Variants in AGPAT4 observed in about 807,000 individuals in gnomAD.
AGPAT4 encodes 1-acylglycerol-3-phosphate O-acyltransferase 4.
In AGPAT4, 15 loss-of-function variants were observed where a neutral mutation model predicts 48.0. The ratio of observed to expected loss-of-function variants is 0.31; its 90% confidence interval spans 0.21 to 0.48. AGPAT4 has a LOEUF of 0.48. AGPAT4 is among the 20% of genes least tolerant of loss of function. AGPAT4 has a pLI of 0.99. For synonymous variants in AGPAT4, 178 were observed against 198.7 expected, an observed-to-expected ratio of 0.90 and a Z score of 0.88; for missense variants, 314 against 482.5, an observed-to-expected ratio of 0.65 and a Z score of 3.27.
intron 1 of AGPAT4, among the ~76,000 whole-genome samples, chr6:161,237,710 A>T (rs1782330571): frequency 6.6e-6 from 1 of 152,206 alleles, no homozygotes; most frequent in Admixed American, 6.5e-5. Flanking sequence ...ATGTTGGCAG[A>T]AGGATTATGG....
At position 161,159,678 on chromosome 6, in the gene AGPAT4, T is replaced by C. The variant is rs138636275; in HGVS notation, c.349-5368A>G. 6.6e-3 allele frequency among the ~76,000 whole-genome samples: 1,010 copies of C among 152,266 alleles called. 6 individuals are homozygous for C. Among genetic ancestry groups the C allele is most frequent in the African/African-American group, 0.023 (967 of 41,558 alleles). On this transcript the variant is annotated intron_variant, in intron 3 of 8. Transcript: ENST00000320285. This position sits in a 1 kb window ranked among gnomAD's most constrained non-coding sequence, Gnocchi z 4.1. ...TTTTTTTTGAGACGAAGTTTCACTCTTGTTGCCCAGGCTGGAGTGCAGTGG... is the reference window on the plus strand; with the variant it reads ...TTTTTTTTGAGACGAAGTTTCACTCCTGTTGCCCAGGCTGGAGTGCAGTGG...
rs1780714231 is a variant in AGPAT4 at position 161,184,590 on chromosome 6, C to A, written c.179-18173G>T. On this transcript the variant is annotated intron_variant, in intron 2 of 8. Coordinates refer to ENST00000320285, the MANE Select transcript of AGPAT4 (RefSeq NM_020133.3). The surrounding 1 kb of genome is among the most constrained non-coding windows in gnomAD (Gnocchi z 4.8). ...CGGACCCCCCATTCCCACCTGTCAT[C>A]CTCTGGCCTCTCTGTCCCTGCTTCC... 6.6e-6 allele frequency among the ~76,000 whole-genome samples: 1 copy of A among 152,094 alleles called. No homozygotes were observed. The highest frequency in any genetic ancestry group is 1.5e-5 in the Non-Finnish European group (1 of 68,004).
Position 161,149,365 on chromosome 6 carries a change from A to T in AGPAT4, c.665-76T>A. The T allele has an allele frequency of 7.6e-7, 1 of 1,308,864 alleles. No homozygotes were observed. Among genetic ancestry groups the T allele is most frequent in the East Asian group, 2.5e-5 (1 of 40,252 alleles). 81.1% of individuals were successfully genotyped at this position (1,308,864 alleles called of 1,614,324 possible). A position where few individuals can be genotyped will look rare whatever the true frequency, so the allele number is the denominator to read the frequency against. On this transcript the variant is annotated intron_variant, in intron 5 of 8. Transcript: ENST00000320285. The surrounding 1 kb of genome is among the most constrained non-coding windows in gnomAD (Gnocchi z 6.5). ...TTTGTTCTGTAGATACACACATTGG[A>T]AGACAATAATCAAATGGCTAACTGC...
chr6:161,273,875 G>C (rs1783516153), intron 1 of AGPAT4, 63 bp downstream of exon 1: 1 of 150,616 alleles, frequency 6.6e-6, no homozygotes, highest in Non-Finnish European at 1.5e-5. Flanking sequence ...CTGGGAAGAG[G>C]AATGCAAACA....
At chr6:161,210,559 A>T (rs961890787) in intron 2 of AGPAT4, among the ~76,000 whole-genome samples, 1 of 152,196 alleles carries the variant, frequency 6.6e-6, no homozygotes, top group African/African-American at 2.4e-5. Flanking sequence ...AAGCACTTGA[A>T]TCAAATACTT....
intron 1 of AGPAT4, among the ~76,000 whole-genome samples, chr6:161,237,826 G>A (rs1035884783): frequency 1.3e-5 from 2 of 152,036 alleles, no homozygotes; most frequent in Non-Finnish European, 2.9e-5. Flanking sequence ...CCCAGCCCCC[G>A]TGAAGGTTAG....
rs1191577185 is a variant in AGPAT4 at position 161,267,869 on chromosome 6, A to G, written c.-90+6069T>C. ...AACAAAGTGAGACTGGCCTCTTAAA[A>G]GAAAGACCAGTCTCACTTTTAACAT... On this transcript the variant is annotated intron_variant, in intron 1 of 8. Coordinates refer to ENST00000320285, the MANE Select transcript of AGPAT4 (RefSeq NM_020133.3). The surrounding 1 kb of genome is among the most constrained non-coding windows in gnomAD (Gnocchi z 5.2). Among the ~76,000 whole-genome samples, 1 of 152,230 alleles carries G rather than the reference A, an allele frequency of 6.6e-6. No individual in the cohort carries two copies. Among genetic ancestry groups the G allele is most frequent in the East Asian group, 1.9e-4 (1 of 5,198 alleles).
intron 1 of AGPAT4, among the ~76,000 whole-genome samples, chr6:161,256,562 G>C (rs956816625): frequency 1.4e-4 from 22 of 152,240 alleles, no homozygotes; most frequent in African/African-American, 5.1e-4. Context: ...TGACAGACAT[G>C]ACACTCGTGC....
rs942952404 is a variant in AGPAT4 at position 161,255,587 on chromosome 6, C to A, written c.-90+18351G>T. On this transcript the variant is annotated intron_variant, in intron 1 of 8. Transcript: ENST00000320285. The surrounding 1 kb of genome is among the most constrained non-coding windows in gnomAD (Gnocchi z 4.7). ...GATACATGCTACAACATGAATGAAC[C>A]TCAAAAACATGTTATATGAAAGAAA... Among the ~76,000 whole-genome samples the A allele has an allele frequency of 1.5e-4, 23 of 152,228 alleles. No homozygotes were observed. Among genetic ancestry groups the A allele is most frequent in the African/African-American group, 4.8e-4 (20 of 41,546 alleles).
intron 2 of AGPAT4, among the ~76,000 whole-genome samples, chr6:161,227,181 A>G (rs1328959193): frequency 6.6e-6 from 1 of 152,194 alleles, no homozygotes; most frequent in African/African-American, 2.4e-5. Flanking sequence ...AGCAGGTCGT[A>G]TACCTTTCAG....
chr6:161,243,826 A>C lies in AGPAT4; in HGVS notation c.-89-11524T>G, dbSNP rs1242320408. On this transcript the variant is annotated intron_variant, in intron 1 of 8. Transcript: ENST00000320285. This position sits in a 1 kb window ranked among gnomAD's most constrained non-coding sequence, Gnocchi z 4.8. ...TTTCAATAAGATTTTCCTCAGGTGGACATTTTTAGCCTGACAACCACTCAT... is the reference window on the plus strand; with the variant it reads ...TTTCAATAAGATTTTCCTCAGGTGGCCATTTTTAGCCTGACAACCACTCAT... 6.6e-6 allele frequency among the ~76,000 whole-genome samples: 1 copy of C among 152,176 alleles called. No individual in the cohort carries two copies. Among genetic ancestry groups the C allele is most frequent in the African/African-American group, 2.4e-5 (1 of 41,446 alleles).
rs1779469559 is a variant in AGPAT4, at chr6:161,147,619, C to G, written c.768-1020G>C. On this transcript the variant is annotated intron_variant, in intron 6 of 8. Coordinates refer to ENST00000320285, the MANE Select transcript of AGPAT4 (RefSeq NM_020133.3). This position sits in a 1 kb window ranked among gnomAD's most constrained non-coding sequence, Gnocchi z 4.8. ...CAGTATTGTACAGAGGTAAGTTTTTCACATAATTAGAACTTACCCCATAAG... is the reference window on the plus strand; with the variant it reads ...CAGTATTGTACAGAGGTAAGTTTTTGACATAATTAGAACTTACCCCATAAG... Among the ~76,000 whole-genome samples the G allele has an allele frequency of 6.6e-6, 1 of 152,192 alleles. No homozygotes were observed.
Position 161,148,793 on chromosome 6 carries a change from A to G in AGPAT4, c.767+394T>C, listed in dbSNP as rs1177383851. 6.6e-6 allele frequency among the ~76,000 whole-genome samples: 1 copy of G among 152,224 alleles called. No individual in the cohort carries two copies. Among genetic ancestry groups the G allele is most frequent in the Non-Finnish European group, 1.5e-5 (1 of 68,048 alleles). ...GCCTGGAACATAACACATAAGTGAG[A>G]CACTGCAAGAGTTCTGCATTTGTGT... On this transcript the variant is annotated intron_variant, in intron 6 of 8. Coordinates refer to ENST00000320285, the MANE Select transcript of AGPAT4 (RefSeq NM_020133.3). This position sits in a 1 kb window ranked among gnomAD's most constrained non-coding sequence, Gnocchi z 5.5.
intron 1 of AGPAT4, among the ~76,000 whole-genome samples, chr6:161,265,363 A>G (rs929303855): frequency 7.2e-6 from 1 of 139,022 alleles, no homozygotes; most frequent in African/African-American, 2.8e-5. Context: ...CCACCGCTGG[A>G]CTGGGTGCTG....
Position 161,270,809 on chromosome 6 carries a change from T to C in AGPAT4, c.-90+3129A>G, listed in dbSNP as rs532098395. 6.6e-6 allele frequency among the ~76,000 whole-genome samples: 1 copy of C among 152,066 alleles called. No homozygotes were observed. The highest frequency in any genetic ancestry group is 2.1e-4 in the South Asian group (1 of 4,812). The stretch of plus-strand genomic sequence containing the variant: ...AAAAAAAATAAATGTGAATGCGGCT[T>C]TGTCCCATAACCATCAGACCTCCTT... On this transcript the variant is annotated intron_variant, in intron 1 of 8. Transcript: ENST00000320285. The surrounding 1 kb of genome is among the most constrained non-coding windows in gnomAD (Gnocchi z 5.3).
At chr6:161,213,577 G>A (rs1298683125) in intron 2 of AGPAT4, among the ~76,000 whole-genome samples, 1 of 151,922 alleles carries the variant, frequency 6.6e-6, no homozygotes, top group Non-Finnish European at 1.5e-5. Flanking sequence ...CTGTGCTTTT[G>A]TAAAGCCCTG....
Position 161,140,630 on chromosome 6 carries a change from G to A in AGPAT4, c.844-1010C>T, listed in dbSNP as rs1184007829. Among the ~76,000 whole-genome samples, 2 of 152,230 alleles carry A rather than the reference G, an allele frequency of 1.3e-5. No homozygotes were observed. The highest frequency in any genetic ancestry group is 2.9e-5 in the Non-Finnish European group (2 of 68,036). On this transcript the variant is annotated intron_variant, in intron 7 of 8. Coordinates refer to ENST00000320285, the MANE Select transcript of AGPAT4 (RefSeq NM_020133.3). This position sits in a 1 kb window ranked among gnomAD's most constrained non-coding sequence, Gnocchi z 6.5. ...GACCCAGGAACCCAGGTCAGCAGGC[G>A]TGCTCAAGCGGCTGGGAGCTGAGCT...
At chr6:161,190,233 G>T (rs1780883072) in intron 2 of AGPAT4, among the ~76,000 whole-genome samples, 1 of 152,128 alleles carries the variant, frequency 6.6e-6, no homozygotes, top group Non-Finnish European at 1.5e-5. Flanking sequence ...TCAAAATAAT[G>T]TATCATTATC....
chr6:161,238,094 C>T lies in AGPAT4; in HGVS notation c.-89-5792G>A, dbSNP rs1459675208. ...GGGGGGTAATGGGGGGGTTGGGGGG[C>T]GGGAGGCAGAATGCAGCATAGTTGT... On this transcript the variant is annotated intron_variant, in intron 1 of 8. Coordinates refer to ENST00000320285, the MANE Select transcript of AGPAT4 (RefSeq NM_020133.3). This position sits in a 1 kb window ranked among gnomAD's most constrained non-coding sequence, Gnocchi z 5.2. 5.7e-5 allele frequency among the ~76,000 whole-genome samples: 3 copies of T among 52,654 alleles called. No homozygotes were observed. The highest frequency in any genetic ancestry group is 1.2e-4 in the Non-Finnish European group (3 of 25,944). The allele number at this position is 52,654 out of a possible 152,430, so 34.5% of individuals were successfully genotyped here.
Sources: gnomAD v4.1 joint callset for allele counts (sites outside exome capture counted in the v4.1 genomes callset) on GRCh38, gnomAD v4.1.1 for gene constraint, Gnocchi (gnomAD v3.1) non-coding constraint, MANE v1.5 for transcripts, NCBI Gene and HGNC (gene_info 2026-07-23, HGNC 2026-07-21) for gene names.